ARL15: variants seen among roughly 807,000 people sequenced by gnomAD.
ARL15 encodes the protein ARF like GTPase 15, also known as ADP-ribosylation factor-like protein 15.
A neutral mutation model predicts 25.2 loss-of-function variants in ARL15; 19 were observed. The ratio of observed to expected loss-of-function variants is 0.75; its 90% confidence interval spans 0.53 to 1.10. ARL15 has a LOEUF of 1.10. ARL15 is among the 50% of genes least tolerant of loss of function. The pLI is 0.00. For synonymous variants in ARL15, 94 were observed against 86.8 expected, an observed-to-expected ratio of 1.08 and a Z score of -0.46; for missense variants, 220 against 246.0, an observed-to-expected ratio of 0.89 and a Z score of 0.71.
intron 3 of ARL15, among the ~76,000 whole-genome samples, chr5:54,127,078 C>A (rs1029080589): frequency 6.6e-6 from 1 of 151,890 alleles, no homozygotes; most frequent in East Asian, 1.9e-4. Flanking sequence ...TCAATTCCCA[C>A]CTATGAGTGA....
chr5:54,291,473 T>G (rs1758317702), intron 1 of ARL15, among the ~76,000 whole-genome samples: 1 of 152,208 alleles, frequency 6.6e-6, no homozygotes, highest in Non-Finnish European at 1.5e-5. Flanking sequence ...TTTGTATTAT[T>G]TTTTATATTT....
chr5:54,202,240 T>C (rs758377794), intron 1 of ARL15, among the ~76,000 whole-genome samples: 2 of 152,160 alleles, frequency 1.3e-5, no homozygotes, highest in Non-Finnish European at 2.9e-5. Context: ...CTCCAAAAGA[T>C]ATCCATATCC....
rs1196443999 is a variant in ARL15, at chr5:53,920,995, C to T, written c.463-34282G>A. Among the ~76,000 whole-genome samples, 11 of 152,118 alleles carry T rather than the reference C, an allele frequency of 7.2e-5. No individual in the cohort carries two copies. The East Asian group carries it at 1.9e-3, about 27-fold the overall frequency. On this transcript the variant is annotated intron_variant, in intron 4 of 4. Coordinates refer to ENST00000504924, the MANE Select transcript of ARL15 (RefSeq NM_019087.3). The stretch of plus-strand genomic sequence containing the variant: ...CCCAAGGACCTAGAGGAGAGCAGAA[C>T]AAGATAGAGGACATCAGGGTCCTTG...
At chr5:54,026,622 A>C (rs1749794151) in intron 4 of ARL15, among the ~76,000 whole-genome samples, 1 of 152,116 alleles carries the variant, frequency 6.6e-6, no homozygotes, top group Non-Finnish European at 1.5e-5. Context: ...GCCAAGGGAA[A>C]TTTTCTTGAG....
intron 1 of ARL15, among the ~76,000 whole-genome samples, chr5:54,223,697 A>C (rs1756440060): frequency 6.6e-6 from 1 of 152,224 alleles, no homozygotes; most frequent in African/African-American, 2.4e-5. Flanking sequence ...CATATGACTA[A>C]GAACTTACTA....
At chr5:54,237,091 T>C (rs1363286378) in intron 1 of ARL15, among the ~76,000 whole-genome samples, 1 of 152,178 alleles carries the variant, frequency 6.6e-6, no homozygotes, top group Admixed American at 6.5e-5. Flanking sequence ...AATCCCCACG[T>C]GTTGTGGGAG....
At chr5:54,122,149 CAACT>C (rs1452235892) in intron 3 of ARL15, among the ~76,000 whole-genome samples, 1 of 152,152 alleles carries the variant, frequency 6.6e-6, no homozygotes. Flanking sequence ...TTTTTCTGTT[CAACT>C]AACTTTCTCC....
intron 3 of ARL15, among the ~76,000 whole-genome samples, chr5:54,124,577 A>T (rs1486250358): frequency 6.6e-6 from 1 of 152,230 alleles, no homozygotes; most frequent in Admixed American, 6.5e-5. Context: ...CAAAAATCAG[A>T]TCATTCTATT....
chr5:54,139,150 G>A (rs1258942485), intron 3 of ARL15, among the ~76,000 whole-genome samples: 1 of 152,146 alleles, frequency 6.6e-6, no homozygotes, highest in Non-Finnish European at 1.5e-5. Flanking sequence ...CGATCCAGCA[G>A]TCCCACTACT....
chr5:53,913,179 C>T (rs1156943663), intron 4 of ARL15, among the ~76,000 whole-genome samples: 3 of 152,120 alleles, frequency 2.0e-5, no homozygotes, highest in East Asian at 1.9e-4. Context: ...GGCATGCATC[C>T]GGAGTCTCAG....
chr5:54,124,067 C>T (rs1040096766), intron 3 of ARL15, among the ~76,000 whole-genome samples: 6 of 152,168 alleles, frequency 3.9e-5, no homozygotes, highest in African/African-American at 1.4e-4. Context: ...AATGATGTTA[C>T]ACCTACTGTC....
intron 4 of ARL15, among the ~76,000 whole-genome samples, chr5:53,982,503 A>G (rs1213169306): frequency 1.3e-5 from 2 of 152,110 alleles, no homozygotes; most frequent in African/African-American, 4.8e-5. Flanking sequence ...TGTCCCTGCA[A>G]AGGACATGGA....
chr5:54,034,035 G>A (rs780368074), intron 4 of ARL15, among the ~76,000 whole-genome samples: 3 of 152,022 alleles, frequency 2.0e-5, no homozygotes, highest in African/African-American at 4.8e-5. Flanking sequence ...GGATGGTCTC[G>A]ATCTCCTGAC....
intron 4 of ARL15, among the ~76,000 whole-genome samples, chr5:54,080,980 T>A (rs1348887482): frequency 6.6e-6 from 1 of 152,172 alleles, no homozygotes; most frequent in Non-Finnish European, 1.5e-5. Context: ...AAAAGAGAGC[T>A]CTTTCACTCC....
In ARL15 at chr5:54,246,350, G is replaced by C. The variant is rs1053311038; in HGVS notation, c.48+64082C>G. 2.2e-4 allele frequency among the ~76,000 whole-genome samples: 33 copies of C among 151,974 alleles called. 1 individual carries two copies. The highest frequency in any genetic ancestry group is 6.6e-5 in the Admixed American group (1 of 15,260). On this transcript the variant is annotated intron_variant, in intron 1 of 4. Transcript: ENST00000504924. ...CTTGCCCACTCCCTACATTTCAGAA[G>C]ACACTCTCAAAGCTCTTGCTCTGTA...
chr5:53,972,049 G>A (rs553358570), intron 4 of ARL15, among the ~76,000 whole-genome samples: 78 of 152,146 alleles, frequency 5.1e-4, no homozygotes, highest in Non-Finnish European at 9.9e-4. Flanking sequence ...AAGATTATCC[G>A]TAAGTTTTTG....
chr5:54,025,456 T>G (rs576187508), intron 4 of ARL15, among the ~76,000 whole-genome samples: 2 of 152,330 alleles, frequency 1.3e-5, no homozygotes, highest in South Asian at 4.1e-4. Flanking sequence ...GATGCTGGAC[T>G]GATAAAGAAC....
intron 4 of ARL15, among the ~76,000 whole-genome samples, chr5:53,925,663 C>T (rs1047176945): frequency 4.6e-5 from 7 of 152,024 alleles, no homozygotes; most frequent in African/African-American, 1.7e-4. Flanking sequence ...ATTTTTTTAA[C>T]TGGGCATGGT....
intron 1 of ARL15, among the ~76,000 whole-genome samples, chr5:54,306,923 C>T (rs1314954333): frequency 6.6e-6 from 1 of 152,188 alleles, no homozygotes; most frequent in Non-Finnish European, 1.5e-5. Flanking sequence ...TCCAACCTCC[C>T]AGGAAAACTC....
Sources: gnomAD v4.1 joint callset for allele counts (sites outside exome capture counted in the v4.1 genomes callset) on GRCh38, gnomAD v4.1.1 for gene constraint, MANE v1.5 for transcripts, NCBI Gene and HGNC (gene_info 2026-07-23, HGNC 2026-07-21) for gene names.